ZC3H3: variants seen among roughly 807,000 people sequenced by gnomAD.
ZC3H3 encodes the protein zinc finger CCCH-type containing 3.
ZC3H3 carries 36 observed loss-of-function variants against 77.3 expected under a neutral mutation model. The ratio of observed to expected loss-of-function variants is 0.47; its 90% CI spans 0.36 to 0.61. The LOEUF is 0.61. Among genes scored for constraint, ZC3H3 ranks in the 20% least tolerant of loss-of-function variants. The pLI, the probability that ZC3H3 is intolerant of heterozygous loss-of-function variation, is 0.00. For synonymous variants in ZC3H3, 626 were observed against 555.2 expected (o/e 1.13, Z -1.79); for missense variants, 1,331 against 1,312.2 (o/e 1.01, Z -0.22).
intron 5 of ZC3H3, among the ~76,000 whole-genome samples, chr8:143,469,428 G>A (rs1310565053): frequency 6.6e-6 from 1 of 152,220 alleles, no homozygotes; most frequent in Non-Finnish European, 1.5e-5. Context: ...GTGGAGGTCT[G>A]GGGGAAGGGC....
chr8:143,483,102 G>C (rs995782732), intron 4 of ZC3H3, among the ~76,000 whole-genome samples: 1 of 152,236 alleles, frequency 6.6e-6, no homozygotes, highest in African/African-American at 2.4e-5. Context: ...TCGAAGCTTG[G>C]AGCCCGAGCG....
Position 143,475,441 on chromosome 8 carries a change from G to A in ZC3H3, c.1860C>T (p.Ser620=), listed in dbSNP as rs144239172. ...KVSANKLSKT[S]GQPSDAGSRP... ...TGCTGCCCGCATCACTGGGCTGGCC[G>A]GAGGTCTTGGAGAGCTTGTTGGCAG... Residue 620 remains serine (S), a synonymous_variant, in exon 5 of 12, where the codon TCC becomes TCT. Coordinates refer to ENST00000262577, the MANE Select transcript of ZC3H3 (RefSeq NM_015117.3). 108 of 1,613,098 alleles carry A rather than the reference G, an allele frequency of 6.7e-5. No individual in the cohort carries two copies. Among genetic ancestry groups the A allele is most frequent in the Admixed American group, 4.3e-4 (26 of 60,010 alleles).
At chr8:143,525,053 C>T (rs1028178915) in intron 3 of ZC3H3, among the ~76,000 whole-genome samples, 1 of 152,286 alleles carries the variant, frequency 6.6e-6, no homozygotes, top group Non-Finnish European at 1.5e-5. Flanking sequence ...TATCTAGCCA[C>T]ACACCTCCCT....
At chr8:143,539,549 T>G (rs1035822939) in intron 1 of ZC3H3, among the ~76,000 whole-genome samples, 2 of 152,158 alleles carry the variant, frequency 1.3e-5, no homozygotes, top group Middle Eastern at 3.2e-3. Flanking sequence ...TCCACTTCAG[T>G]CCTACTTCTG....
intron 9 of ZC3H3, among the ~76,000 whole-genome samples, chr8:143,464,197 G>C (rs1020801098): frequency 6.6e-6 from 1 of 152,264 alleles, no homozygotes; most frequent in Admixed American, 6.5e-5. Flanking sequence ...CGGGCGCCGC[G>C]GCGCGGACAC....
rs914104983 is a variant in ZC3H3, at chr8:143,497,825, G to C, written c.1715+9921C>G. Among the ~76,000 whole-genome samples, 9 of 152,294 alleles carry C rather than the reference G, an allele frequency of 5.9e-5. No homozygotes were observed. The East Asian group carries it at 1.7e-3, about 29-fold the overall frequency. ...GTGTTATCTGGGCCGCCAGCAGCTC[G>C]AGGCCTGGCCAGGTCTCTGCACTCG... On this transcript the variant is annotated intron_variant, in intron 4 of 11. Transcript: ENST00000262577.
intron 3 of ZC3H3, 103 bp from the exon 4 acceptor site, chr8:143,508,002 G>A: frequency 3.0e-6 from 4 of 1,324,354 alleles, no homozygotes; most frequent in South Asian, 3.2e-5. Flanking sequence ...GCCTCCGCCG[G>A]AGCTTGAAGA....
chr8:143,514,147 A>G (rs1235394262), intron 3 of ZC3H3, among the ~76,000 whole-genome samples: 2 of 152,108 alleles, frequency 1.3e-5, no homozygotes, highest in African/African-American at 2.4e-5. Flanking sequence ...AAGAAGGGGT[A>G]GGCAGACCCC....
At chr8:143,539,785 G>A (rs938911968) in intron 1 of ZC3H3, among the ~76,000 whole-genome samples, 2 of 152,178 alleles carry the variant, frequency 1.3e-5, no homozygotes, top group Non-Finnish European at 2.9e-5. Flanking sequence ...CACTCTCGAG[G>A]ACCCCATGCC....
chr8:143,527,819 C>T (rs1011921888), intron 3 of ZC3H3, among the ~76,000 whole-genome samples: 1 of 152,138 alleles, frequency 6.6e-6, no homozygotes. Flanking sequence ...AACATCACAC[C>T]GGGCCAAAGC....
At chr8:143,529,659 G>A (rs1172506372) in intron 3 of ZC3H3, among the ~76,000 whole-genome samples, 2 of 152,340 alleles carry the variant, frequency 1.3e-5, no homozygotes, top group South Asian at 4.1e-4. Context: ...GCTGCCTTTG[G>A]CTTCACCAGG....
rs993565309 is a variant in ZC3H3 at position 143,460,421 on chromosome 8, G to A, written c.2307+5296C>T. 6.6e-6 allele frequency among the ~76,000 whole-genome samples: 1 copy of A among 152,176 alleles called. No individual in the cohort carries two copies. Among genetic ancestry groups the A allele is most frequent in the Non-Finnish European group, 1.5e-5 (1 of 68,036 alleles). On this transcript the variant is annotated intron_variant, in intron 9 of 11. Coordinates refer to ENST00000262577, the MANE Select transcript of ZC3H3 (RefSeq NM_015117.3). The surrounding 1 kb of genome is among the most constrained non-coding windows in gnomAD (Gnocchi z 4.0). Reference sequence around the variant, plus strand: ...ATAAAGAAATTCAACCACAACAAGTGGTGGGGAGGGTGTGGAGAAACGGGA... The same window carrying A: ...ATAAAGAAATTCAACCACAACAAGTAGTGGGGAGGGTGTGGAGAAACGGGA...
intron 5 of ZC3H3, among the ~76,000 whole-genome samples, chr8:143,470,590 C>T (rs1021065181): frequency 1.3e-5 from 2 of 152,224 alleles, no homozygotes; most frequent in African/African-American, 4.8e-5. Context: ...CCCAGTCTCT[C>T]GCCCAGGCTG....
At chr8:143,471,537 A>C (rs1419101898) in intron 5 of ZC3H3, among the ~76,000 whole-genome samples, 1 of 152,064 alleles carries the variant, frequency 6.6e-6, no homozygotes, top group African/African-American at 2.4e-5. Flanking sequence ...CTGCCCCACC[A>C]CAGGAGCCAT....
At chr8:143,466,945 T>C (rs548063969) in intron 8 of ZC3H3, among the ~76,000 whole-genome samples, 128 of 151,736 alleles carry the variant, frequency 8.4e-4, no homozygotes, top group African/African-American at 3.0e-3. Context: ...AGGTTGGGGA[T>C]GGGAAAGGAA....
chr8:143,481,198 C>T (rs1269014517), intron 4 of ZC3H3, among the ~76,000 whole-genome samples: 2 of 152,152 alleles, frequency 1.3e-5, no homozygotes, highest in African/African-American at 4.8e-5. Context: ...CGGAGCACCT[C>T]CCAACCCAGC....
intron 3 of ZC3H3, among the ~76,000 whole-genome samples, chr8:143,512,403 T>C (rs957337072): frequency 2.0e-5 from 3 of 152,242 alleles, no homozygotes; most frequent in Non-Finnish European, 4.4e-5. Flanking sequence ...AAACCTACTT[T>C]TCCTGGTGTC....
chr8:143,444,146 T>C (rs919761343), intron 9 of ZC3H3, among the ~76,000 whole-genome samples: 6 of 152,176 alleles, frequency 3.9e-5, no homozygotes, highest in African/African-American at 1.2e-4. Context: ...GGCTACTTTT[T>C]TGTATTTTTA....
At chr8:143,441,722 C>T (rs1360850597) in intron 9 of ZC3H3, among the ~76,000 whole-genome samples, 2 of 152,170 alleles carry the variant, frequency 1.3e-5, no homozygotes, top group African/African-American at 4.8e-5. Flanking sequence ...CAGGGAAACA[C>T]AAAGAGGCTG....
Sources: allele counts gnomAD v4.1 joint callset (sites outside exome capture counted in the v4.1 genomes callset), GRCh38; gene constraint gnomAD v4.1.1; non-coding constraint Gnocchi (gnomAD v3.1); transcripts MANE v1.5; gene names NCBI Gene and HGNC (gene_info 2026-07-23, HGNC 2026-07-21).